ZNF536: variants seen among roughly 807,000 people sequenced by gnomAD.
ZNF536 encodes the protein zinc finger protein 536.
A neutral mutation model predicts 84.5 loss-of-function variants in ZNF536; 13 were observed. That is an observed-to-expected ratio of 0.15 (90% CI 0.10 to 0.24). The LOEUF is 0.24. Among genes scored for constraint, ZNF536 ranks in the 10% least tolerant of loss-of-function variants. The pLI is 1.00. For missense variants in ZNF536, 1,536 were observed against 1,747.5 expected (o/e 0.88, Z 2.16); for synonymous variants, 811 against 742.5 (o/e 1.09, Z -1.50).
intron 1 of ZNF536, among the ~76,000 whole-genome samples, chr19:30,271,986 G>A (rs939872287): frequency 6.6e-6 from 1 of 152,220 alleles, no homozygotes; most frequent in African/African-American, 2.4e-5. Context: ...AAAGCCAAGA[G>A]CACTTCTTGA....
chr19:30,573,107 GA>G (rs1436307746), intron 1 of ZNF536, among the ~76,000 whole-genome samples: 1 of 152,156 alleles, frequency 6.6e-6, no homozygotes, highest in African/African-American at 2.4e-5. Context: ...CAGAGTTTTG[GA>G]GGGCTTTTAG....
chr19:30,384,525 T>C (rs1180082837), intron 1 of ZNF536, among the ~76,000 whole-genome samples: 2 of 151,516 alleles, frequency 1.3e-5, no homozygotes, highest in African/African-American at 4.9e-5. Context: ...GCTTTTCCTA[T>C]TGAATCATGT....
At chr19:30,535,101 T>A (rs1448813281) in intron 3 of ZNF536, 102 bp downstream of exon 3, 5 of 1,360,584 alleles carry the variant, frequency 3.7e-6, no homozygotes, top group Non-Finnish European at 5.0e-6. Context: ...GGTCACTAAC[T>A]CTGGAAGGTT....
intron 2 of ZNF536, among the ~76,000 whole-genome samples, chr19:30,305,168 C>T (rs1346865425): frequency 6.6e-6 from 1 of 152,156 alleles, no homozygotes; most frequent in Non-Finnish European, 1.5e-5. Flanking sequence ...ATGGACTGGA[C>T]AGTGTGAGTT....
intron 1 of ZNF536, among the ~76,000 whole-genome samples, chr19:30,652,496 G>A (rs529133225): frequency 1.6e-3 from 243 of 152,258 alleles, no homozygotes; most frequent in Non-Finnish European, 2.9e-3. Flanking sequence ...CTCTGCTGAC[G>A]AGGCCTGGGG....
chr19:30,307,131 C>T (rs546689788), intron 2 of ZNF536, among the ~76,000 whole-genome samples: 3 of 151,948 alleles, frequency 2.0e-5, no homozygotes, highest in African/African-American at 4.8e-5. Flanking sequence ...ATCTCGAATT[C>T]GCATGGCAAC....
At chr19:30,522,874 A>C (rs1219118300) in intron 2 of ZNF536, among the ~76,000 whole-genome samples, 1 of 152,222 alleles carries the variant, frequency 6.6e-6, no homozygotes, top group Admixed American at 6.5e-5. Flanking sequence ...ATAGGTATAT[A>C]TATTTTAAAC....
intron 2 of ZNF536, among the ~76,000 whole-genome samples, chr19:30,290,400 T>G (rs1297065422): frequency 6.6e-6 from 1 of 152,138 alleles, no homozygotes; most frequent in Non-Finnish European, 1.5e-5. Context: ...GCCTCAGCCT[T>G]CTGAGTAACT....
intron 2 of ZNF536, among the ~76,000 whole-genome samples, chr19:30,520,740 A>G (rs1032789812): frequency 3.3e-5 from 5 of 152,054 alleles, no homozygotes; most frequent in African/African-American, 1.2e-4. Context: ...TTGCTGTTTT[A>G]TGCTGGTTTA....
intron 2 of ZNF536, among the ~76,000 whole-genome samples, chr19:30,288,424 AAGTTCTGGCATG>A (rs2045723102): frequency 6.6e-6 from 1 of 152,186 alleles, no homozygotes; most frequent in South Asian, 2.1e-4. Context: ...TGGGGTTCCC[AAGTTCTGGCATG>A]GTGTATGCAA....
exon 3 of ZNF536, chr19:30,352,450 A>T (rs1234281758): frequency 6.6e-6 from 1 of 152,264 alleles, no homozygotes; most frequent in African/African-American, 2.4e-5. Context: ...CCAGACTGAC[A>T]GTCCTTAAGA....
intron 1 of ZNF536, among the ~76,000 whole-genome samples, chr19:30,655,960 G>T (rs1176279665): frequency 6.6e-6 from 1 of 152,068 alleles, no homozygotes; most frequent in Non-Finnish European, 1.5e-5. Flanking sequence ...GATCACTTGA[G>T]CCCAGGAGTT....
intron 1 of ZNF536, among the ~76,000 whole-genome samples, chr19:30,572,827 G>C (rs1034563108): frequency 3.1e-4 from 47 of 152,168 alleles, no homozygotes; most frequent in African/African-American, 1.1e-3. Context: ...TTGTTGAAGG[G>C]GGACATTGGA....
chr19:30,252,182 A>T (rs929147971), intron 1 of ZNF536, among the ~76,000 whole-genome samples: 1 of 152,256 alleles, frequency 6.6e-6, no homozygotes, highest in Admixed American at 6.5e-5. Context: ...TAGCTAACAA[A>T]CTTATGAAAA....
At chr19:30,515,941 C>T (rs941098597) in intron 2 of ZNF536, among the ~76,000 whole-genome samples, 1 of 144,922 alleles carries the variant, frequency 6.9e-6, no homozygotes, top group South Asian at 2.2e-4. Flanking sequence ...GCAGGAGAAT[C>T]GTTTGAACCC....
At position 30,301,661 on chromosome 19, in the gene ZNF536, C is replaced by T. The variant is rs148214350; in HGVS notation, c.-120+17520C>T. On this transcript the variant is annotated intron_variant, in intron 2 of 5. Coordinates refer to the ZNF536 transcript ENST00000585628. ...ATTCTACAAAGTTATATAACCGAATCTTTTGTCTAATTGGTAACTATATTT... is the reference window on the plus strand; with the variant it reads ...ATTCTACAAAGTTATATAACCGAATTTTTTGTCTAATTGGTAACTATATTT... 7.8e-3 allele frequency among the ~76,000 whole-genome samples: 1,192 copies of T among 152,214 alleles called. 12 individuals are homozygous for T. Among genetic ancestry groups the T allele is most frequent in the African/African-American group, 0.028 (1,152 of 41,534 alleles).
In ZNF536 at chr19:30,598,934, TCC is replaced by T. The variant is rs1365437548; in HGVS notation, c.169+49422_169+49423del. 6.0e-3 allele frequency among the ~76,000 whole-genome samples: 275 copies of T among 46,184 alleles called. 1 individual carries two copies. The highest frequency in any genetic ancestry group is 0.012 in the African/African-American group (259 of 21,224). The allele number at this position is 46,184 out of a possible 152,430, so 30.3% of individuals were successfully genotyped here. On this transcript the variant is annotated intron_variant, in intron 1 of 1. Coordinates refer to the ZNF536 transcript ENST00000592773. ...TCTCACTCCTTCTTCCCTTTCTCCC[TCC>T]CTCCCTCCCTTTCTTCCTTCCTTCC...
chr19:30,382,116 A>G (rs1209023304), intron 1 of ZNF536, among the ~76,000 whole-genome samples: 1 of 152,026 alleles, frequency 6.6e-6, no homozygotes, highest in East Asian at 1.9e-4. Flanking sequence ...TTTTCCACGG[A>G]TTGCTACCTC....
At chr19:30,577,206 A>T (rs1368058069) in intron 1 of ZNF536, among the ~76,000 whole-genome samples, 1 of 152,160 alleles carries the variant, frequency 6.6e-6, no homozygotes. Flanking sequence ...AAAAAATTAG[A>T]TGGGGGTGGA....
Sources: gnomAD v4.1 joint callset for allele counts (sites outside exome capture counted in the v4.1 genomes callset) on GRCh38, gnomAD v4.1.1 for gene constraint, MANE v1.5 for transcripts, NCBI Gene and HGNC (gene_info 2026-07-23, HGNC 2026-07-21) for gene names.